RARB: variants seen among roughly 807,000 people sequenced by gnomAD.
The protein encoded by RARB is retinoic acid receptor beta, also known as HBV-activated protein.
Under a neutral mutation model 51.9 loss-of-function variants are expected in RARB, and 17 were observed. The ratio of observed to expected loss-of-function variants is 0.33; its 90% CI spans 0.22 to 0.49. RARB has a LOEUF of 0.49. Ranked by LOEUF, RARB falls within the 20% of genes least tolerant of loss-of-function variation. The pLI, the probability that RARB is intolerant of heterozygous loss-of-function variation, is 0.99. For missense variants in RARB, 369 were observed against 550.8 expected (o/e 0.67, Z 3.30); for synonymous variants, 215 against 195.4 (o/e 1.10, Z -0.84).
upstream of RARB, chr3:25,428,155 G>A (rs984907005): frequency 5.7e-6 from 6 of 1,050,136 alleles, no homozygotes; most frequent in East Asian, 1.6e-4. Context: ...TGAGAATCCT[G>A]GGAGTTGGTG....
chr3:25,032,448 A>G (rs1401689788), intron 2 of RARB, among the ~76,000 whole-genome samples: 1 of 152,234 alleles, frequency 6.6e-6, no homozygotes, highest in African/African-American at 2.4e-5. Context: ...GTTGGTTTAT[A>G]AAGTTAATTC....
At chr3:25,318,037 A>G (rs1704473751) in intron 5 of RARB, among the ~76,000 whole-genome samples, 1 of 152,210 alleles carries the variant, frequency 6.6e-6, no homozygotes, top group East Asian at 1.9e-4. Flanking sequence ...TGTTACTTAG[A>G]AAAAGTTTCA....
At chr3:25,274,543 C>T (rs1703334202) in intron 5 of RARB, among the ~76,000 whole-genome samples, 1 of 152,212 alleles carries the variant, frequency 6.6e-6, no homozygotes, top group African/African-American at 2.4e-5. Context: ...TTTCTGGAGC[C>T]TGGCTCCCTG....
Position 25,174,682 on chromosome 3 carries a change from C to G in RARB, c.178+107C>G, listed in dbSNP as rs1171814528. ...GGGCAATTTCTTATTTCATTGGGTG[C>G]TGGTTTCTTTTGGTCTTGAATTCTA... On this transcript the variant is annotated intron_variant, in intron 5 of 11. Coordinates refer to the RARB transcript ENST00000383772. 6.4e-6 allele frequency: 7 copies of G among 1,087,824 alleles called. No individual in the cohort carries two copies. The East Asian group carries it at 2.9e-4, about 45-fold the overall frequency. The allele number at this position is 1,087,824 out of a possible 1,614,324, so 67.4% of individuals were successfully genotyped here. A position where few individuals can be genotyped will look rare whatever the true frequency, so the allele number is the denominator to read the frequency against.
chr3:25,277,807 C>T (rs1703430285), intron 5 of RARB, among the ~76,000 whole-genome samples: 1 of 152,150 alleles, frequency 6.6e-6, no homozygotes, highest in South Asian at 2.1e-4. Flanking sequence ...ACAAAGTGAA[C>T]ACACAAGTAA....
intron 2 of RARB, among the ~76,000 whole-genome samples, chr3:25,055,071 G>C (rs1045954439): frequency 1.3e-5 from 2 of 152,132 alleles, no homozygotes; most frequent in Non-Finnish European, 2.9e-5. Flanking sequence ...CCAGGGACTT[G>C]TATATCATTA....
chr3:25,084,342 C>T (rs990269995), intron 3 of RARB, among the ~76,000 whole-genome samples: 1 of 151,906 alleles, frequency 6.6e-6, no homozygotes, highest in African/African-American at 2.4e-5. Context: ...ATTTATAGTT[C>T]TTTAGAAGAA....
chr3:25,535,892 C>T (rs988795064), intron 3 of RARB, among the ~76,000 whole-genome samples: 15 of 152,268 alleles, frequency 9.9e-5, no homozygotes, highest in African/African-American at 3.6e-4. Flanking sequence ...GTCTTAAATG[C>T]ATTTCAACTT....
chr3:25,196,074 T>C (rs1301077996), intron 5 of RARB, among the ~76,000 whole-genome samples: 3 of 151,858 alleles, frequency 2.0e-5, no homozygotes, highest in Non-Finnish European at 4.4e-5. Context: ...AGCTCTAAAA[T>C]TTTTTTACTT....
chr3:25,531,723 TAA>T (rs5847361), intron 3 of RARB, among the ~76,000 whole-genome samples: 35,620 of 134,364 alleles, frequency 0.27, 5,367 homozygotes, highest in African/African-American at 0.44. Flanking sequence ...ATAGACACTT[TAA>T]AAAAAAAAAA....
chr3:24,892,099 G>T (rs1438094266), intron 2 of RARB, among the ~76,000 whole-genome samples: 2 of 152,034 alleles, frequency 1.3e-5, no homozygotes, highest in Non-Finnish European at 2.9e-5. Flanking sequence ...CTGCATATCA[G>T]CAGGGAGTGT....
intron 3 of RARB, among the ~76,000 whole-genome samples, chr3:25,118,237 T>A (rs1699723638): frequency 6.6e-6 from 1 of 152,120 alleles, no homozygotes; most frequent in African/African-American, 2.4e-5. Context: ...AGTTCCCCAA[T>A]ATGGACCAGT....
intron 2 of RARB, among the ~76,000 whole-genome samples, chr3:24,918,504 C>T (rs1695151380): frequency 6.6e-6 from 1 of 151,998 alleles, no homozygotes; most frequent in South Asian, 2.1e-4. Flanking sequence ...GTAAATTTAC[C>T]AAAAACCATT....
At chr3:24,860,309 C>T (rs564140879) in intron 2 of RARB, among the ~76,000 whole-genome samples, 1 of 152,312 alleles carries the variant, frequency 6.6e-6, no homozygotes, top group South Asian at 2.1e-4. Context: ...CCTTCCCAGC[C>T]AGTAACCTCC....
At chr3:25,414,224 C>T (rs1293301520) in intron 5 of RARB, among the ~76,000 whole-genome samples, 1 of 152,202 alleles carries the variant, frequency 6.6e-6, no homozygotes, top group Non-Finnish European at 1.5e-5. Flanking sequence ...TTATGAGATT[C>T]ATTTATGCTG....
chr3:24,871,586 T>A (rs1265878522), intron 2 of RARB, among the ~76,000 whole-genome samples: 1 of 152,212 alleles, frequency 6.6e-6, no homozygotes, highest in East Asian at 1.9e-4. Flanking sequence ...GTTCTTGGCT[T>A]TTATGCTAAC....
At chr3:25,146,007 A>T (rs1431488966) in intron 4 of RARB, among the ~76,000 whole-genome samples, 5 of 151,918 alleles carry the variant, frequency 3.3e-5, no homozygotes, top group Admixed American at 3.3e-4. Context: ...TCATCTAAAA[A>T]AAAAAAAATT....
At chr3:25,137,969 C>G (rs1427105450) in intron 4 of RARB, among the ~76,000 whole-genome samples, 1 of 152,112 alleles carries the variant, frequency 6.6e-6, no homozygotes, top group East Asian at 1.9e-4. Context: ...TAAAGATCCT[C>G]AAAACATCCT....
intron 2 of RARB, among the ~76,000 whole-genome samples, chr3:24,877,341 T>C: frequency 8.0e-6 from 1 of 124,782 alleles, no homozygotes; most frequent in South Asian, 2.9e-4. Context: ...TTTAAAGCAA[T>C]CTTACTTTTT....
Sources: gnomAD v4.1 joint callset for allele counts (sites outside exome capture counted in the v4.1 genomes callset) on GRCh38, gnomAD v4.1.1 for gene constraint, MANE v1.5 for transcripts, NCBI Gene and HGNC (gene_info 2026-07-23, HGNC 2026-07-21) for gene names.